Variants in GLRA1 observed in about 807,000 individuals in gnomAD.
The protein encoded by GLRA1 is glycine receptor subunit alpha-1.
GLRA1 carries 37 observed loss-of-function variants against 48.3 expected under a neutral mutation model. That is an observed-to-expected ratio of 0.77 (90% CI 0.59 to 1.01). GLRA1 has a LOEUF of 1.01. GLRA1 is among the 50% of genes least tolerant of loss of function. The probability of loss-of-function intolerance (pLI) is 0.00; values close to 1 mark genes in which losing one functional copy is unlikely to be tolerated. For synonymous variants in GLRA1, 196 were observed against 210.7 expected, an observed-to-expected ratio of 0.93 and a Z score of 0.60; for missense variants, 427 against 571.0, an observed-to-expected ratio of 0.75 and a Z score of 2.57.
chr5:151,894,663 C>T (rs1754186138), intron 1 of GLRA1, among the ~76,000 whole-genome samples: 1 of 152,158 alleles, frequency 6.6e-6, no homozygotes, highest in Admixed American at 6.5e-5. Flanking sequence ...TTCTTTCATT[C>T]CCCACTGTGT....
intron 3 of GLRA1, among the ~76,000 whole-genome samples, chr5:151,868,861 C>G (rs1753404205): frequency 6.6e-6 from 1 of 152,106 alleles, no homozygotes; most frequent in African/African-American, 2.4e-5. Flanking sequence ...CCTGCTTGGC[C>G]CCAGATGCTT....
intron 6 of GLRA1, among the ~76,000 whole-genome samples, chr5:151,853,483 T>C (rs1009079655): frequency 1.3e-5 from 2 of 151,784 alleles, no homozygotes; most frequent in African/African-American, 4.8e-5. Context: ...CTAAAACTCC[T>C]GGCCTCAAGT....
intron 8 of GLRA1, among the ~76,000 whole-genome samples, chr5:151,825,989 A>G (rs984646418): frequency 6.6e-6 from 1 of 152,224 alleles, no homozygotes; most frequent in Non-Finnish European, 1.5e-5. Flanking sequence ...TCACTTCTGC[A>G]TCATTGTAAT....
chr5:151,863,420 C>T (rs1264270984), intron 3 of GLRA1, among the ~76,000 whole-genome samples: 2 of 152,024 alleles, frequency 1.3e-5, no homozygotes, highest in Non-Finnish European at 2.9e-5. Flanking sequence ...GAGACCCTGT[C>T]ACAAACAAAT....
intron 7 of GLRA1, among the ~76,000 whole-genome samples, chr5:151,832,499 G>A (rs1763448747): frequency 6.6e-6 from 1 of 152,160 alleles, no homozygotes; most frequent in Non-Finnish European, 1.5e-5. Flanking sequence ...ACTTCGTGAA[G>A]CATACACAAG....
At chr5:151,853,489 C>T (rs1331805635) in intron 6 of GLRA1, among the ~76,000 whole-genome samples, 2 of 151,476 alleles carry the variant, frequency 1.3e-5, no homozygotes, top group Non-Finnish European at 2.9e-5. Context: ...CTCCTGGCCT[C>T]AAGTCATCCA....
At chr5:151,829,226 A>G (rs1763363559) in intron 7 of GLRA1, among the ~76,000 whole-genome samples, 159 bp from the exon 8 acceptor site, 1 of 152,232 alleles carries the variant, frequency 6.6e-6, no homozygotes, top group Admixed American at 6.5e-5. Flanking sequence ...AGGAAAACAG[A>G]AAAGAAATGC....
At chr5:151,871,895 G>T (rs1753496585) in intron 3 of GLRA1, among the ~76,000 whole-genome samples, 1 of 149,582 alleles carries the variant, frequency 6.7e-6, no homozygotes. Flanking sequence ...TCAATAAACT[G>T]ATTCTAAAGT....
intron 3 of GLRA1, among the ~76,000 whole-genome samples, chr5:151,867,476 G>A (rs1405029569): frequency 6.6e-6 from 1 of 152,160 alleles, no homozygotes; most frequent in African/African-American, 2.4e-5. Flanking sequence ...AATAGCACAA[G>A]CAGAGGTGTG....
chr5:151,917,539 A>G (rs1754768712), intron 1 of GLRA1, among the ~76,000 whole-genome samples: 1 of 152,232 alleles, frequency 6.6e-6, no homozygotes, highest in Non-Finnish European at 1.5e-5. Flanking sequence ...AACCATCACC[A>G]TAATCTATGC....
intron 7 of GLRA1, among the ~76,000 whole-genome samples, chr5:151,831,803 A>T (rs915799962): frequency 2.0e-5 from 3 of 152,238 alleles, no homozygotes; most frequent in Non-Finnish European, 2.9e-5. Context: ...AGCTCTGCTA[A>T]GGGACAGACT....
chr5:151,895,764 T>C (rs970691322), intron 1 of GLRA1, among the ~76,000 whole-genome samples: 1 of 152,070 alleles, frequency 6.6e-6, no homozygotes, highest in African/African-American at 2.4e-5. Flanking sequence ...GTGCTTCCCA[T>C]GGCCCACAGT....
At chr5:151,879,972 A>C (rs1375087565) in intron 3 of GLRA1, among the ~76,000 whole-genome samples, 1 of 152,128 alleles carries the variant, frequency 6.6e-6, no homozygotes, top group Non-Finnish European at 1.5e-5. Flanking sequence ...AGTAAGTCTC[A>C]CAAGATCTGA....
chr5:151,868,992 A>G (rs945374540), intron 3 of GLRA1, among the ~76,000 whole-genome samples: 2 of 152,194 alleles, frequency 1.3e-5, no homozygotes, highest in African/African-American at 2.4e-5. Context: ...GGAGCTTAGC[A>G]TCTTTGTTTG....
At chr5:151,852,442 G>A (rs1338077417) in intron 6 of GLRA1, among the ~76,000 whole-genome samples, 1 of 152,224 alleles carries the variant, frequency 6.6e-6, no homozygotes, top group Non-Finnish European at 1.5e-5. Context: ...GAATGGGCAA[G>A]TCAGTCTCTC....
At chr5:151,865,367 G>T (rs759939460) in intron 3 of GLRA1, among the ~76,000 whole-genome samples, 3 of 152,148 alleles carry the variant, frequency 2.0e-5, no homozygotes, top group African/African-American at 7.2e-5. Context: ...GACCAAATAC[G>T]GTTGAGCCAA....
intron 1 of GLRA1, among the ~76,000 whole-genome samples, 154 bp downstream of exon 1, chr5:151,924,339 AG>A (rs1267918038): frequency 7.2e-5 from 2 of 27,950 alleles, no homozygotes; most frequent in African/African-American, 1.4e-4. Flanking sequence ...GGGGGGTGGG[AG>A]GGGGGAGAAG....
chr5:151,880,716 C>T (rs1298666281), intron 3 of GLRA1, among the ~76,000 whole-genome samples: 1 of 152,256 alleles, frequency 6.6e-6, no homozygotes, highest in East Asian at 1.9e-4. Context: ...CATACTGGTA[C>T]ATTTAAATAC....
chr5:151,842,585 A>T (rs1763738951), intron 7 of GLRA1, among the ~76,000 whole-genome samples: 1 of 152,242 alleles, frequency 6.6e-6, no homozygotes, highest in Non-Finnish European at 1.5e-5. Flanking sequence ...ACACATTAAG[A>T]ATAGAAAACT....
Sources: gnomAD v4.1 joint callset for allele counts (sites outside exome capture counted in the v4.1 genomes callset) on GRCh38, gnomAD v4.1.1 for gene constraint, MANE v1.5 for transcripts, NCBI Gene and HGNC (gene_info 2026-07-23, HGNC 2026-07-21) for gene names.